PTK7: variants seen among roughly 807,000 people sequenced by gnomAD.
The protein encoded by PTK7 is protein tyrosine kinase 7 (inactive), also known as inactive tyrosine-protein kinase 7.
In PTK7, 39 loss-of-function variants were observed where a neutral mutation model predicts 116.6. That is an observed-to-expected ratio of 0.33 (90% confidence interval 0.26 to 0.44). The LOEUF is 0.44. PTK7 is among the 20% of genes least tolerant of loss of function. The pLI is 1.00. For missense variants in PTK7, 1,169 were observed against 1,425.6 expected, an observed-to-expected ratio of 0.82 and a Z score of 2.90; for synonymous variants, 546 against 563.6, an observed-to-expected ratio of 0.97 and a Z score of 0.44.
At chr6:43,086,416 CTTTT>C (rs35357864) in intron 1 of PTK7, among the ~76,000 whole-genome samples, 1 of 140,540 alleles carries the variant, frequency 7.1e-6, no homozygotes, top group Non-Finnish European at 1.5e-5. Context: ...GACACTCTGG[CTTTT>C]TTTTTTTTTT....
At position 43,146,781 on chromosome 6, in the gene PTK7, C is replaced by T. The variant is rs919656430; in HGVS notation, c.2721+83C>T. 5.0e-6 allele frequency: 6 copies of T among 1,205,378 alleles called. No individual in the cohort carries two copies. The Admixed American group carries it at 8.7e-5, about 17-fold the overall frequency. 74.7% of individuals were successfully genotyped at this position (1,205,378 alleles called of 1,614,324 possible). The stretch of plus-strand genomic sequence containing the variant: ...ACAGAGGCACCATTTATTGAGGGCT[C>T]TCTATGGGCCAGGCCCTATGGTAAG... On this transcript the variant is annotated intron_variant, in intron 17 of 19. Transcript: ENST00000230419.
At chr6:43,138,620 TCACTCTACTC>T (rs907063172) in intron 7 of PTK7, 37 of 454,594 alleles carry the variant, frequency 8.1e-5, no homozygotes, top group Non-Finnish European at 1.1e-5. Flanking sequence ...CATAATTGTG[TCACTCTACTC>T]CAGCCTGGGT....
In PTK7 at chr6:43,158,890, C is replaced by T. The variant is rs751549857; in HGVS notation, c.2795C>T (p.Ala932Val). The change falls in exon 18 of 20, where the codon GCT becomes GTT. Residue 932 changes from alanine to valine, a missense_variant. Physicochemically the swap from Ala to Val is moderately conservative, Grantham distance 64. Coordinates refer to ENST00000230419, the MANE Select transcript of PTK7 (RefSeq NM_002821.5). Reference sequence around the variant, plus strand: ...AACCGCTTTGTGCATAAGGACTTGGCTGCGCGTAACTGCCTGGTCAGTGCC... The same window carrying T: ...AACCGCTTTGTGCATAAGGACTTGGTTGCGCGTAACTGCCTGGTCAGTGCC... ...SNNRFVHKDL[A>V]ARNCLVSAQR... 1.2e-6 allele frequency: 2 copies of T among 1,614,190 alleles called. No individual in the cohort carries two copies. Among genetic ancestry groups the T allele is most frequent in the Non-Finnish European group, 8.5e-7 (1 of 1,180,030 alleles).
In PTK7 at chr6:43,139,658, T is replaced by C; in HGVS notation, c.1618+133T>C. The C allele has an allele frequency of 2.9e-6, 4 of 1,379,864 alleles. No homozygotes were observed. The highest frequency in any genetic ancestry group is 3.9e-6 in the Non-Finnish European group (4 of 1,028,516). The allele number at this position is 1,379,864 out of a possible 1,614,324, so 85.5% of individuals were successfully genotyped here. On this transcript the variant is annotated intron_variant, in intron 10 of 19. Transcript: ENST00000230419. This position sits in a 1 kb window ranked among gnomAD's most constrained non-coding sequence, Gnocchi z 4.6. The stretch of plus-strand genomic sequence containing the variant: ...AGACAAGCAGTGCAGGGCTGATGTA[T>C]AGTTTAGTTAGGAAGGAAAAAGCCA...
At chr6:43,088,019 C>T (rs1029060836) in intron 1 of PTK7, among the ~76,000 whole-genome samples, 4 of 152,164 alleles carry the variant, frequency 2.6e-5, no homozygotes, top group Non-Finnish European at 4.4e-5. Context: ...AGGGCTGAAG[C>T]CAGTGTGGTG....
intron 1 of PTK7, among the ~76,000 whole-genome samples, chr6:43,077,863 G>A (rs952342277): frequency 2.8e-4 from 43 of 152,254 alleles, no homozygotes; most frequent in Non-Finnish European, 3.4e-4. Flanking sequence ...ATGTAACCCA[G>A]GAAAGAGACC....
chr6:43,142,342 C>T lies in PTK7; in HGVS notation c.2047+43C>T, dbSNP rs745808044. 3 of 1,613,182 alleles carry T rather than the reference C, an allele frequency of 1.9e-6. No individual in the cohort carries two copies. In the South Asian group the frequency reaches 3.3e-5, roughly 18 times the overall value. ...TTATGCTGCACAGGAAGTGGTGGGCCCAGACGTTTGTCACCTTGTACTCAG... is the reference window on the plus strand; with the variant it reads ...TTATGCTGCACAGGAAGTGGTGGGCTCAGACGTTTGTCACCTTGTACTCAG... On this transcript the variant is annotated intron_variant, in intron 13 of 19. Transcript: ENST00000230419.
chr6:43,135,781 T>C (rs1769998258), intron 7 of PTK7, among the ~76,000 whole-genome samples: 1 of 152,232 alleles, frequency 6.6e-6, no homozygotes. Context: ...CATTGCTACA[T>C]AGCAAACCAC....
intron 1 of PTK7, among the ~76,000 whole-genome samples, chr6:43,125,776 G>C (rs1180878798): frequency 2.6e-5 from 4 of 152,200 alleles, no homozygotes; most frequent in African/African-American, 4.8e-5. Flanking sequence ...CCTTGTGAGA[G>C]AGGCAGAGGA....
chr6:43,152,144 C>G (rs1771150933), intron 17 of PTK7, among the ~76,000 whole-genome samples: 1 of 140,498 alleles, frequency 7.1e-6, no homozygotes, highest in Non-Finnish European at 1.6e-5. Flanking sequence ...GCCACTGCGC[C>G]CAGCCCACCC....
At chr6:43,130,094 G>A in intron 3 of PTK7, 136 bp from the exon 4 acceptor site, 2 of 952,808 alleles carry the variant, frequency 2.1e-6, no homozygotes, top group Non-Finnish European at 3.1e-6. Context: ...GTGCCCTTTT[G>A]CAAGTCCCTT....
rs12524680 is a variant in PTK7 at position 43,132,823 on chromosome 6, A to G, written c.1228+136A>G. The stretch of plus-strand genomic sequence containing the variant: ...CTGCAGGCTTGGGAATCAGTTCACT[A>G]CTGGGAGTCGGTGTAGACAGTAGAG... On this transcript the variant is annotated intron_variant, in intron 7 of 19. Transcript: ENST00000230419. 10,181 of 1,251,806 alleles carry G rather than the reference A, an allele frequency of 8.1e-3. 959 individuals are homozygous for G. In the Admixed American group the frequency reaches 0.17, roughly 21 times the overall value. The allele number at this position is 1,251,806 out of a possible 1,614,324, so 77.5% of individuals were successfully genotyped here.
chr6:43,076,390 G>C lies in PTK7; in HGVS notation c.-99G>C. The C allele has an allele frequency of 1.0e-6, 1 of 953,306 alleles. No homozygotes were observed. Among genetic ancestry groups the C allele is most frequent in the Non-Finnish European group, 1.4e-6 (1 of 721,832 alleles). 59.1% of individuals were successfully genotyped at this position (953,306 alleles called of 1,614,324 possible). On this transcript the variant is annotated 5_prime_UTR_variant, in exon 1 of 20. Transcript: ENST00000230419. This position sits in a 1 kb window ranked among gnomAD's most constrained non-coding sequence, Gnocchi z 5.7. ...GGCTCCGGCTGCGGCTGCTGCTGCG[G>C]CGCCCGCGCTCCGGTGCGCTCCGCC...
intron 1 of PTK7, among the ~76,000 whole-genome samples, chr6:43,116,654 G>A (rs1382691713): frequency 4.6e-5 from 3 of 65,624 alleles, no homozygotes; most frequent in Non-Finnish European, 7.3e-5. Flanking sequence ...GTGTGTGTGC[G>A]CGCGCACGCA....
At chr6:43,121,287 G>T (rs149846252) in intron 1 of PTK7, among the ~76,000 whole-genome samples, 4 of 152,298 alleles carry the variant, frequency 2.6e-5, no homozygotes, top group Non-Finnish European at 5.9e-5. Context: ...AGTGGGACAG[G>T]CAAGTCTGAG....
chr6:43,086,066 C>T (rs1345135624), intron 1 of PTK7, among the ~76,000 whole-genome samples: 5 of 152,148 alleles, frequency 3.3e-5, no homozygotes, highest in African/African-American at 1.2e-4. Context: ...GGGAATTCTC[C>T]CTCTCTCTTT....
At chr6:43,152,107 A>C (rs1771147787) in intron 17 of PTK7, among the ~76,000 whole-genome samples, 2 of 147,374 alleles carry the variant, frequency 1.4e-5, no homozygotes, top group Non-Finnish European at 1.5e-5. Context: ...TCGGCCTCCC[A>C]AAGTGAGCCA....
chr6:43,131,202 G>T (rs952411732), intron 5 of PTK7, among the ~76,000 whole-genome samples: 8 of 152,152 alleles, frequency 5.3e-5, no homozygotes, highest in African/African-American at 1.9e-4. Context: ...GGTCCTTGGG[G>T]GTGTGGCTTC....
chr6:43,122,456 G>T (rs1304051723), intron 1 of PTK7, among the ~76,000 whole-genome samples: 3 of 152,072 alleles, frequency 2.0e-5, no homozygotes, highest in African/African-American at 7.2e-5. Flanking sequence ...GCCTGGCGCT[G>T]TCTCCCTACA....
Sources: allele counts gnomAD v4.1 joint callset (sites outside exome capture counted in the v4.1 genomes callset), GRCh38; gene constraint gnomAD v4.1.1; non-coding constraint Gnocchi (gnomAD v3.1); transcripts MANE v1.5; gene names NCBI Gene and HGNC (gene_info 2026-07-23, HGNC 2026-07-21).